LPAR6: variants seen among roughly 807,000 people sequenced by gnomAD.
The protein encoded by LPAR6 is G-protein coupled purinergic receptor P2Y5.
LPAR6 carries 17 observed loss-of-function variants against 22.0 expected under a neutral mutation model. The observed-to-expected ratio is 0.77, with a 90% CI of 0.53 to 1.16. The LOEUF (loss-of-function observed/expected upper bound fraction) is 1.16, where lower values mean the gene tolerates loss of function less well. Among genes scored for constraint, LPAR6 ranks in the 50% most tolerant of loss-of-function variants. LPAR6 has a pLI of 0.00. For missense variants in LPAR6, 384 were observed against 406.9 expected, an observed-to-expected ratio of 0.94 and a Z score of 0.48; for synonymous variants, 136 against 139.8, an observed-to-expected ratio of 0.97 and a Z score of 0.19.
chr13:48,412,387 C>T lies in LPAR6; in HGVS notation c.37G>A (p.Asp13Asn), dbSNP rs1030838293. The change falls in exon 1 of 1, where the codon GAC (aspartate) becomes AAC (asparagine). Residue 13 changes from aspartate to asparagine, a missense_variant. Asp to Asn is a conservative substitution (Grantham distance 23). Transcript: ENST00000620633. ...CCATACAAAGTGTACTTAAAGGAGT[C>T]ATTATAGAAGCAGTGGGAGCTGTTA... ...SVNSSHCFYNDSFKYTLYGCM... is the reference protein window; with the variant it reads ...SVNSSHCFYNNSFKYTLYGCM... 2 of 1,613,902 alleles carry T rather than the reference C, an allele frequency of 1.2e-6. No individual in the cohort carries two copies. The highest frequency in any genetic ancestry group is 1.7e-6 in the Non-Finnish European group (2 of 1,179,924).
At chr13:48,420,125 G>A (rs1000040980) in intron 2 of LPAR6, among the ~76,000 whole-genome samples, 5 of 152,120 alleles carry the variant, frequency 3.3e-5, no homozygotes, top group African/African-American at 9.7e-5. Flanking sequence ...GAATATCGAC[G>A]TGAAAACCCT....
rs373712773 is a variant in LPAR6 at position 48,412,434 on chromosome 13, C to A, written c.-11G>T. ...GTTAACGCTTACCATCGTAAAGGCA[C>A]GTCCAATTTTCAGTTTGGAAGCACT... On this transcript the variant is annotated 5_prime_UTR_variant, in exon 1 of 1. Transcript: ENST00000620633. 3 of 1,606,118 alleles carry A rather than the reference C, an allele frequency of 1.9e-6. No homozygotes were observed. Among genetic ancestry groups the A allele is most frequent in the Admixed American group, 1.7e-5 (1 of 60,002 alleles).
intron 1 of LPAR6, among the ~76,000 whole-genome samples, chr13:48,393,029 C>T (rs1312005034): frequency 6.6e-6 from 1 of 152,168 alleles, no homozygotes; most frequent in African/African-American, 2.4e-5. Flanking sequence ...ACTATCCAGG[C>T]ATTGCTCTTC....
At chr13:48,417,005 A>G (rs1948922675), upstream of LPAR6, among the ~76,000 whole-genome samples, 1 of 152,222 alleles carries the variant, frequency 6.6e-6, no homozygotes, top group South Asian at 2.1e-4. Flanking sequence ...CAGCTTCAGC[A>G]GACTTAAACG....
intron 1 of LPAR6, among the ~76,000 whole-genome samples, chr13:48,390,907 T>A (rs1948606294): frequency 6.6e-6 from 1 of 152,222 alleles, no homozygotes; most frequent in Non-Finnish European, 1.5e-5. Context: ...CTTTCTTAAA[T>A]CTTGCCTAAC....
downstream of LPAR6, among the ~76,000 whole-genome samples, chr13:48,408,304 A>G (rs1948757814): frequency 6.6e-6 from 1 of 152,006 alleles, no homozygotes; most frequent in African/African-American, 2.4e-5. Context: ...AAAATAAACT[A>G]GGTACTTGAT....
chr13:48,405,126 C>G (rs1477339642), intron 1 of LPAR6, among the ~76,000 whole-genome samples: 1 of 151,968 alleles, frequency 6.6e-6, no homozygotes, highest in African/African-American at 2.4e-5. Flanking sequence ...ACTGTCACAC[C>G]AGAGCAGAGA....
intron 1 of LPAR6, chr13:48,391,632 T>C (rs1460730686): frequency 6.6e-6 from 1 of 152,178 alleles, no homozygotes; most frequent in Non-Finnish European, 1.5e-5. Context: ...TTTTTTTTTC[T>C]TTTTGAGATG....
chr13:48,416,059 G>T (rs1029202493), upstream of LPAR6, among the ~76,000 whole-genome samples: 3 of 152,110 alleles, frequency 2.0e-5, no homozygotes, highest in Non-Finnish European at 2.9e-5. Flanking sequence ...TACACTTCTG[G>T]AACTTAACTC....
chr13:48,429,319 G>A (rs530753105), upstream of LPAR6: 2 of 152,366 alleles, frequency 1.3e-5, no homozygotes, highest in Admixed American at 6.5e-5. Context: ...GTAGGCTGAG[G>A]TGGGAAGATC....
At chr13:48,395,019 A>G (rs1488995627) in intron 1 of LPAR6, among the ~76,000 whole-genome samples, 1 of 152,110 alleles carries the variant, frequency 6.6e-6, no homozygotes, top group Non-Finnish European at 1.5e-5. Context: ...TCTGGTGGGT[A>G]CCCCTCTGGG....
intron 1 of LPAR6, chr13:48,426,769 A>G (rs899513765): frequency 6.6e-6 from 1 of 151,916 alleles, no homozygotes; most frequent in Admixed American, 6.6e-5. Flanking sequence ...TTTCTTACTG[A>G]TGTTGTGCTA....
intron 1 of LPAR6, among the ~76,000 whole-genome samples, chr13:48,394,863 C>G (rs1948635862): frequency 6.6e-6 from 1 of 152,230 alleles, no homozygotes; most frequent in Non-Finnish European, 1.5e-5. Context: ...CTGAAGAGAG[C>G]AGCAGATCTC....
downstream of LPAR6, chr13:48,408,646 G>C (rs944991956): frequency 1.3e-5 from 2 of 152,032 alleles, no homozygotes; most frequent in African/African-American, 4.8e-5. Flanking sequence ...CACTAGCAAA[G>C]GAAAATAAAT....
At chr13:48,393,687 G>A (rs1300396474) in intron 1 of LPAR6, among the ~76,000 whole-genome samples, 1 of 152,090 alleles carries the variant, frequency 6.6e-6, no homozygotes, top group Non-Finnish European at 1.5e-5. Flanking sequence ...AATGCATCAG[G>A]TCTTCTGACT....
chr13:48,410,734 G>A (rs1222514550), downstream of LPAR6, among the ~76,000 whole-genome samples: 2 of 152,018 alleles, frequency 1.3e-5, no homozygotes, highest in Non-Finnish European at 2.9e-5. Context: ...AATCAAAATA[G>A]TAACTTCAAA....
rs182335134 is a variant in LPAR6, at chr13:48,421,722, C to G, written c.-954+928G>C. 5.5e-4 allele frequency among the ~76,000 whole-genome samples: 84 copies of G among 152,308 alleles called. 1 individual carries two copies. The East Asian group carries it at 8.9e-3, about 16-fold the overall frequency. ...AGTGGGTGAAGGATATGAACTGACA[C>G]TTCTCAAAAGAAGACATTTATGTGG... On this transcript the variant is annotated intron_variant, in intron 2 of 4. Transcript: ENST00000345941.
chr13:48,419,588 G>T (rs1460350505), intron 2 of LPAR6, among the ~76,000 whole-genome samples: 5 of 152,130 alleles, frequency 3.3e-5, no homozygotes. Context: ...AAAAATCAAT[G>T]AATCCAGGAG....
chr13:48,422,754 C>A (rs1323461296), exon 2 of LPAR6: 1 of 151,684 alleles, frequency 6.6e-6, no homozygotes, highest in African/African-American at 2.4e-5. Flanking sequence ...TTGATTGTAC[C>A]ACTGCACTTC....
Sources: gnomAD v4.1 joint callset for allele counts (sites outside exome capture counted in the v4.1 genomes callset) on GRCh38, gnomAD v4.1.1 for gene constraint, MANE v1.5 for transcripts, NCBI Gene and HGNC (gene_info 2026-07-23, HGNC 2026-07-21) for gene names.